The following CRYBG3 variants were observed in gnomAD, a reference collection of about 807,000 sequenced individuals.
CRYBG3 encodes the protein crystallin beta-gamma domain containing 3.
A neutral mutation model predicts 244.2 loss-of-function variants in CRYBG3; 127 were observed. The ratio of observed to expected loss-of-function variants is 0.52; its 90% confidence interval spans 0.45 to 0.60. The LOEUF is 0.60. Among genes scored for constraint, CRYBG3 ranks in the 20% least tolerant of loss-of-function variants. CRYBG3 has a pLI of 0.00. For synonymous variants in CRYBG3, 1,132 were observed against 1,195.8 expected, an observed-to-expected ratio of 0.95 and a Z score of 1.10; for missense variants, 3,325 against 3,442.5, an observed-to-expected ratio of 0.97 and a Z score of 0.85.
At chr3:97,922,289 A>C (rs2039992388) in intron 17 of CRYBG3, among the ~76,000 whole-genome samples, 1 of 152,224 alleles carries the variant, frequency 6.6e-6, no homozygotes, top group Non-Finnish European at 1.5e-5. Flanking sequence ...CAAGGACTTC[A>C]TGACTAAAAC....
intron 2 of CRYBG3, among the ~76,000 whole-genome samples, chr3:97,853,361 A>G (rs892443557): frequency 1.3e-5 from 2 of 151,552 alleles, no homozygotes; most frequent in African/African-American, 4.9e-5. Context: ...ATGGCTGAGT[A>G]GTATTCCACA....
chr3:97,940,487 A>G (rs2040215732), intron 19 of CRYBG3, among the ~76,000 whole-genome samples: 1 of 152,028 alleles, frequency 6.6e-6, no homozygotes, highest in Non-Finnish European at 1.5e-5. Flanking sequence ...AATATTAGCT[A>G]TTCTCCTTAG....
At position 97,874,230 on chromosome 3, in the gene CRYBG3, T is replaced by C; in HGVS notation, c.3036T>C (p.Ser1012=). Residue 1012 remains serine (S), a synonymous_variant, in exon 4 of 22, where the codon TCT becomes TCC. Coordinates refer to ENST00000389622, the MANE Select transcript of CRYBG3 (RefSeq NM_153605.4). ...SMKVNSPFLD[S]DSSLEKNSSA... ...AAGTAAATTCACCTTTTCTGGATTC[T>C]GATTCCAGTTTGGAAAAAAATTCTT... 6.5e-7 allele frequency: 1 copy of C among 1,535,198 alleles called. No individual in the cohort carries two copies. Among genetic ancestry groups the C allele is most frequent in the Admixed American group, 2.0e-5 (1 of 50,822 alleles).
chr3:97,936,893 C>G lies in CRYBG3; in HGVS notation c.8490C>G (p.Leu2830=). Residue 2830 remains leucine (L), a synonymous_variant, in exon 19 of 22, where the codon CTC becomes CTG. Coordinates refer to ENST00000389622, the MANE Select transcript of CRYBG3 (RefSeq NM_153605.4). The part of the protein sequence containing the change: ...AFSRWKTIGS[L]RPMKQPAVYI... ...GCAGATGGAAAACAATTGGTTCCCT[C>G]CGTCCTATGAAGCAGGTAAGGAGAA... 6.2e-7 allele frequency: 1 copy of G among 1,612,810 alleles called. No individual in the cohort carries two copies. Among genetic ancestry groups the G allele is most frequent in the Non-Finnish European group, 8.5e-7 (1 of 1,179,290 alleles).
intron 2 of CRYBG3, among the ~76,000 whole-genome samples, chr3:97,850,513 C>T (rs539896622): frequency 7.9e-5 from 12 of 152,238 alleles, no homozygotes; most frequent in African/African-American, 2.9e-4. Flanking sequence ...TTATTAATTA[C>T]ATCCTAGAAC....
At chr3:97,932,545 T>C (rs1317528936) in intron 17 of CRYBG3, among the ~76,000 whole-genome samples, 2 of 152,102 alleles carry the variant, frequency 1.3e-5, no homozygotes, top group African/African-American at 4.8e-5. Context: ...TGTTCATTTA[T>C]TGTTCTTTGA....
chr3:97,834,126 A>C (rs1321565354), intron 1 of CRYBG3, among the ~76,000 whole-genome samples: 1 of 152,136 alleles, frequency 6.6e-6, no homozygotes, highest in African/African-American at 2.4e-5. Context: ...TTGAATTTCA[A>C]CATGAACTTT....
Position 97,876,078 on chromosome 3 carries a change from AG to A in CRYBG3, c.4888del (p.Asp1630IlefsTer7). The A allele has an allele frequency of 8.1e-7, 1 of 1,232,082 alleles. No individual in the cohort carries two copies. The highest frequency in any genetic ancestry group is 1.0e-6 in the Non-Finnish European group (1 of 987,920). The allele number at this position is 1,232,082 out of a possible 1,614,324, so 76.3% of individuals were successfully genotyped here. On this transcript the variant is annotated frameshift_variant, in exon 4 of 22. Transcript: ENST00000389622. LOFTEE classifies it high-confidence loss of function. ...EKAYKMKDTE[G>X]DIGKIEVIPM... ...AAGCTTATAAGATGAAGGATACTGAAGGGGATATTGGCAAAATTGAGGTGAT... is the reference window on the plus strand; with the variant it reads ...AAGCTTATAAGATGAAGGATACTGAAGGGATATTGGCAAAATTGAGGTGAT...
intron 16 of CRYBG3, among the ~76,000 whole-genome samples, chr3:97,913,523 C>T (rs2039896687): frequency 6.6e-6 from 1 of 152,140 alleles, no homozygotes; most frequent in African/African-American, 2.4e-5. Flanking sequence ...TATTTATGGA[C>T]ATTGAAATTT....
In CRYBG3 at chr3:97,874,663, G is replaced by A. The variant is rs1240061522; in HGVS notation, c.3469G>A (p.Val1157Ile). The stretch of plus-strand genomic sequence containing the variant: ...TCTCGTGGAAGCAGAGACTGGAGCA[G>A]TTGCTGGGCCTGCAGCGTCAGTTAA... ...DNLVEAETGA[V>I]AGPAASVNSS... Residue 1157 changes from valine (V) to isoleucine (I), a missense_variant, in exon 4 of 22, where the codon GTT becomes ATT. Transcript: ENST00000389622. The A allele has an allele frequency of 6.5e-7, 1 of 1,536,000 alleles. No homozygotes were observed. Among genetic ancestry groups the A allele is most frequent in the East Asian group, 2.4e-5 (1 of 40,910 alleles).
intron 2 of CRYBG3, among the ~76,000 whole-genome samples, chr3:97,853,553 T>C (rs2039019984): frequency 6.6e-6 from 1 of 152,146 alleles, no homozygotes; most frequent in South Asian, 2.1e-4. Flanking sequence ...TAATGACTTC[T>C]TTTCCTCTGG....
intron 19 of CRYBG3, among the ~76,000 whole-genome samples, chr3:97,939,652 G>A (rs180745467): frequency 2.0e-5 from 3 of 152,114 alleles, no homozygotes; most frequent in Admixed American, 6.6e-5. Flanking sequence ...TGAAGGTCAC[G>A]CCTGTTTTCT....
intron 18 of CRYBG3, among the ~76,000 whole-genome samples, chr3:97,934,611 C>G (rs1319513385): frequency 1.3e-5 from 2 of 151,978 alleles, no homozygotes; most frequent in Non-Finnish European, 2.9e-5. Flanking sequence ...GTTTAAATAT[C>G]TGGGGATAAA....
chr3:97,915,860 A>G, intron 17 of CRYBG3, 124 bp downstream of exon 17: 1 of 774,744 alleles, frequency 1.3e-6, no homozygotes, highest in Non-Finnish European at 1.9e-6. Context: ...GAAAAATATG[A>G]ATAATTCATT....
intron 1 of CRYBG3, among the ~76,000 whole-genome samples, chr3:97,828,614 G>A (rs985336921): frequency 2.7e-5 from 4 of 150,604 alleles, no homozygotes; most frequent in African/African-American, 9.7e-5. Context: ...ATCACCTGAT[G>A]TCAGGCATTT....
At chr3:97,854,715 A>T (rs2039040475) in intron 2 of CRYBG3, among the ~76,000 whole-genome samples, 1 of 151,262 alleles carries the variant, frequency 6.6e-6, no homozygotes, top group African/African-American at 2.4e-5. Flanking sequence ...TTATCCTGGA[A>T]TTTTACTGAA....
intron 2 of CRYBG3, among the ~76,000 whole-genome samples, chr3:97,844,712 C>T (rs753891361): frequency 2.0e-5 from 3 of 152,126 alleles, no homozygotes; most frequent in Non-Finnish European, 4.4e-5. Context: ...TGCTGTTTTC[C>T]ACCTGCAGAG....
chr3:97,936,619 G>A (rs145784033), intron 18 of CRYBG3, among the ~76,000 whole-genome samples, 166 bp from the exon 19 acceptor site: 76 of 152,096 alleles, frequency 5.0e-4, no homozygotes, highest in African/African-American at 1.7e-3. Context: ...TAGGCCAGTG[G>A]GTTTTCTCCT....
At chr3:97,930,709 A>T (rs898433365) in intron 17 of CRYBG3, among the ~76,000 whole-genome samples, 2 of 152,070 alleles carry the variant, frequency 1.3e-5, no homozygotes, top group Non-Finnish European at 2.9e-5. Flanking sequence ...CCATCCCTTG[A>T]TCACACAAGC....
Sources: gnomAD v4.1 joint callset for allele counts (sites outside exome capture counted in the v4.1 genomes callset) on GRCh38, gnomAD v4.1.1 for gene constraint, MANE v1.5 for transcripts, NCBI Gene and HGNC (gene_info 2026-07-23, HGNC 2026-07-21) for gene names.